VMP1: variants seen among roughly 807,000 people sequenced by gnomAD.
The protein encoded by VMP1 is vacuole membrane protein 1.
VMP1 carries 11 observed loss-of-function variants against 56.0 expected under a neutral mutation model. The observed-to-expected ratio is 0.20, with a 90% CI of 0.12 to 0.32. The LOEUF (loss-of-function observed/expected upper bound fraction) is 0.32. VMP1 is among the 10% of genes least tolerant of loss of function. The probability of loss-of-function intolerance (pLI) is 1.00; values close to 1 mark genes in which losing one functional copy is unlikely to be tolerated. For synonymous variants in VMP1, 149 were observed against 165.0 expected (o/e 0.90, Z 0.74); for missense variants, 296 against 490.3 (o/e 0.60, Z 3.74).
At chr17:59,832,661 T>C (rs2038850397) in intron 10 of VMP1, among the ~76,000 whole-genome samples, 4 of 151,850 alleles carry the variant, frequency 2.6e-5, no homozygotes, top group Admixed American at 2.6e-4. Flanking sequence ...TGGCACAATC[T>C]CGGCTCACTG....
chr17:59,782,201 AC>A (rs1568136188), intron 7 of VMP1, among the ~76,000 whole-genome samples: 3 of 151,972 alleles, frequency 2.0e-5, no homozygotes, highest in Admixed American at 6.6e-5. Context: ...GAGCCACCGC[AC>A]CTGGCCTGTA....
At chr17:59,743,010 C>T (rs1250808283) in intron 5 of VMP1, among the ~76,000 whole-genome samples, 2 of 152,100 alleles carry the variant, frequency 1.3e-5, no homozygotes, top group Admixed American at 1.3e-4. Flanking sequence ...GGACCACTGC[C>T]ATAACACCTT....
Position 59,808,801 on chromosome 17 carries a change from T to C in VMP1, c.720T>C (p.Phe240=), listed in dbSNP as rs202115949. ...CTAAATTTGCCTTTTTACAGGACTT[T>C]GCCTCCCGGGCCAAACTGGCAGTTC... ...MLEHAESAQD[F]ASRAKLAVQK... Residue 240 remains phenylalanine, a synonymous_variant, in exon 8 of 12, where the codon TTT becomes TTC. Transcript: ENST00000262291. 5.6e-6 allele frequency: 9 copies of C among 1,613,748 alleles called. No individual in the cohort carries two copies. Among genetic ancestry groups the C allele is most frequent in the South Asian group, 1.1e-5 (1 of 91,002 alleles).
At chr17:59,740,279 G>A (rs2035180506) in intron 5 of VMP1, among the ~76,000 whole-genome samples, 1 of 152,082 alleles carries the variant, frequency 6.6e-6, no homozygotes, top group South Asian at 2.1e-4. Flanking sequence ...TAAATTTTGT[G>A]CCCCATGTGC....
intron 7 of VMP1, among the ~76,000 whole-genome samples, chr17:59,796,896 A>G (rs1429148907): frequency 6.6e-6 from 1 of 152,196 alleles, no homozygotes; most frequent in Non-Finnish European, 1.5e-5. Context: ...CTACAGTTAA[A>G]CATACACATA....
intron 7 of VMP1, among the ~76,000 whole-genome samples, chr17:59,783,725 C>T (rs2036905750): frequency 6.6e-6 from 1 of 152,132 alleles, no homozygotes; most frequent in Non-Finnish European, 1.5e-5. Context: ...TTGATTCTAT[C>T]TCCATAGTAT....
chr17:59,811,662 C>T lies in VMP1; in HGVS notation c.796-8C>T, dbSNP rs756595201. The T allele has an allele frequency of 6.3e-7, 1 of 1,589,758 alleles. No individual in the cohort carries two copies. The highest frequency in any genetic ancestry group is 1.1e-5 in the South Asian group (1 of 89,540). ...ATAATATGGAAGTCCTTCTTTTTCT[C>T]TCTATAGATTCCAAATCCTTTATTT... On this transcript the variant is annotated splice_region_variant and splice_polypyrimidine_tract_variant and intron_variant, in intron 8 of 11. Transcript: ENST00000262291.
intron 1 of VMP1, among the ~76,000 whole-genome samples, chr17:59,713,799 G>T (rs2034034523): frequency 6.7e-6 from 1 of 148,932 alleles, no homozygotes; most frequent in South Asian, 2.1e-4. Context: ...TCCCAACACT[G>T]AGAGGCCAAG....
intron 7 of VMP1, among the ~76,000 whole-genome samples, chr17:59,798,907 A>C (rs1397816114): frequency 1.3e-5 from 2 of 152,206 alleles, no homozygotes; most frequent in Middle Eastern, 3.2e-3. Flanking sequence ...AATAAAAAGA[A>C]AAAGCAAGAT....
intron 7 of VMP1, among the ~76,000 whole-genome samples, chr17:59,788,401 C>T (rs972240704): frequency 6.6e-6 from 1 of 151,646 alleles, no homozygotes; most frequent in African/African-American, 2.4e-5. Flanking sequence ...GCAGGAGAAT[C>T]GCTTGAACCC....
chr17:59,826,926 T>C (rs1013488817), intron 10 of VMP1, among the ~76,000 whole-genome samples: 4 of 152,194 alleles, frequency 2.6e-5, no homozygotes, highest in Non-Finnish European at 5.9e-5. Flanking sequence ...GTGAATTTGG[T>C]AGGGATGCAG....
At chr17:59,752,450 C>G (rs1374747662) in intron 5 of VMP1, among the ~76,000 whole-genome samples, 1 of 151,982 alleles carries the variant, frequency 6.6e-6, no homozygotes, top group African/African-American at 2.4e-5. Flanking sequence ...CACCCATTTG[C>G]CAAATAAGTA....
chr17:59,775,853 A>C (rs2645466), intron 7 of VMP1, among the ~76,000 whole-genome samples: 60,992 of 152,032 alleles, frequency 0.4, 13,491 homozygotes, highest in African/African-American at 0.58. Flanking sequence ...CCTCTATCTC[A>C]GTTATCTCAA....
At chr17:59,712,264 G>C (rs1471706453) in intron 1 of VMP1, among the ~76,000 whole-genome samples, 2 of 152,106 alleles carry the variant, frequency 1.3e-5, no homozygotes, top group Non-Finnish European at 2.9e-5. Context: ...CATTATTAAT[G>C]AAGTTCCAGT....
chr17:59,787,943 G>A (rs2037064118), intron 7 of VMP1, among the ~76,000 whole-genome samples: 2 of 152,084 alleles, frequency 1.3e-5, no homozygotes, highest in South Asian at 4.1e-4. Flanking sequence ...TCTAAAAAAT[G>A]TGGAAGCTAG....
At chr17:59,748,890 A>ATTTT in intron 5 of VMP1, among the ~76,000 whole-genome samples, 3 of 65,852 alleles carry the variant, frequency 4.6e-5, no homozygotes, top group South Asian at 5.4e-4. Flanking sequence ...TATTATTATT[A>ATTTT]TTTATTTTTT....
rs59397471 is a variant in VMP1, at chr17:59,794,995, C to CTTTTTTTT, written c.715-13789_715-13782dup. Among the ~76,000 whole-genome samples, 5 of 121,216 alleles carry CTTTTTTTT rather than the reference C, an allele frequency of 4.1e-5. 1 individual carries two copies. The highest frequency in any genetic ancestry group is 3.3e-5 in the Non-Finnish European group (2 of 60,698). 79.5% of individuals were successfully genotyped at this position (121,216 alleles called of 152,430 possible). ...GTTGGCACTAAAAGGCAGATTTGAT[C>CTTTTTTTT]TTTTTTTTTTTTTTTTTTTGAGACG... On this transcript the variant is annotated intron_variant, in intron 7 of 11. Transcript: ENST00000262291.
At chr17:59,726,608 T>C (rs2034616872) in intron 1 of VMP1, among the ~76,000 whole-genome samples, 1 of 152,184 alleles carries the variant, frequency 6.6e-6, no homozygotes, top group Non-Finnish European at 1.5e-5. Context: ...CCACATAGTT[T>C]TAAGTATTTG....
At chr17:59,722,210 A>G (rs1474772906) in intron 1 of VMP1, among the ~76,000 whole-genome samples, 1 of 152,228 alleles carries the variant, frequency 6.6e-6, no homozygotes, top group East Asian at 1.9e-4. Flanking sequence ...TACTCTCCTT[A>G]TAGCTAATCA....
Sources: allele counts gnomAD v4.1 joint callset (sites outside exome capture counted in the v4.1 genomes callset), GRCh38; gene constraint gnomAD v4.1.1; transcripts MANE v1.5; gene names NCBI Gene and HGNC (gene_info 2026-07-23, HGNC 2026-07-21).